SETD7: variants seen among roughly 807,000 people sequenced by gnomAD.
The protein encoded by SETD7 is SET domain containing 7, histone lysine methyltransferase, also known as histone-lysine N-methyltransferase SETD7.
SETD7 carries 16 observed loss-of-function variants against 41.8 expected under a neutral mutation model. The ratio of observed to expected loss-of-function variants is 0.38; its 90% CI spans 0.26 to 0.58. The LOEUF (loss-of-function observed/expected upper bound fraction) is 0.58, where lower values mean the gene tolerates loss of function less well. Among genes scored for constraint, SETD7 ranks in the 20% least tolerant of loss-of-function variants. The pLI, the probability that SETD7 is intolerant of heterozygous loss-of-function variation, is 0.64. For synonymous variants in SETD7, 163 were observed against 169.7 expected, an observed-to-expected ratio of 0.96 and a Z score of 0.31; for missense variants, 346 against 459.7, an observed-to-expected ratio of 0.75 and a Z score of 2.26.
chr4:139,530,441 C>T (rs904828211), intron 3 of SETD7, among the ~76,000 whole-genome samples: 5 of 143,222 alleles, frequency 3.5e-5, no homozygotes, highest in Non-Finnish European at 6.0e-5. Context: ...AAGAAAAATA[C>T]TTAGAAGCAT....
At chr4:139,522,917 C>T (rs372166223) in intron 5 of SETD7, among the ~76,000 whole-genome samples, 3 of 152,052 alleles carry the variant, frequency 2.0e-5, no homozygotes, top group African/African-American at 7.2e-5. Context: ...TGACACCCAG[C>T]TAATTTTTGT....
exon 8 of SETD7, chr4:139,496,300 G>T: frequency 1.5e-6 from 1 of 680,728 alleles, no homozygotes; most frequent in South Asian, 1.6e-5. Flanking sequence ...CCTATGTTCT[G>T]ACAATTGCCA....
At chr4:139,526,896 G>A (rs1462125624) in intron 4 of SETD7, among the ~76,000 whole-genome samples, 1 of 152,178 alleles carries the variant, frequency 6.6e-6, no homozygotes, top group African/African-American at 2.4e-5. Context: ...CATAGATCAA[G>A]GGCATAGATA....
chr4:139,551,583 T>G (rs1728112118), intron 1 of SETD7, among the ~76,000 whole-genome samples: 1 of 152,000 alleles, frequency 6.6e-6, no homozygotes, highest in Non-Finnish European at 1.5e-5. Flanking sequence ...CAAAGTAAAT[T>G]CCCTCTGGAT....
chr4:139,544,106 T>C (rs1240033839), intron 2 of SETD7, among the ~76,000 whole-genome samples: 1 of 151,708 alleles, frequency 6.6e-6, no homozygotes, highest in East Asian at 1.9e-4. Context: ...CTGGGCAACA[T>C]GGCAAAACTC....
In SETD7 at chr4:139,511,544, C is replaced by T; in HGVS notation, c.*119G>A. On this transcript the variant is annotated 3_prime_UTR_variant, in exon 8 of 8. Transcript: ENST00000274031. Reference sequence around the variant, plus strand: ...GTATGCGAGAAAGTCGTTGCTAACGCATGGTGAGAGGATGTGACGTCACAG... The same window carrying T: ...GTATGCGAGAAAGTCGTTGCTAACGTATGGTGAGAGGATGTGACGTCACAG... The T allele has an allele frequency of 1.3e-6, 2 of 1,562,736 alleles. No individual in the cohort carries two copies. The highest frequency in any genetic ancestry group is 1.4e-5 in the African/African-American group (1 of 72,354).
Position 139,529,182 on chromosome 4 carries a change from C to G in SETD7, c.411G>C (p.Gly137=). The change falls in exon 4 of 8, where the codon GGG becomes GGC. Residue 137 remains glycine (G), a synonymous_variant. Coordinates refer to ENST00000274031, the MANE Select transcript of SETD7 (RefSeq NM_030648.4). ...AGGCTATCTTCTCTCCAGTCATCTC[C>G]CCATCTTCATTTACTTCTCCTACAA... The part of the protein sequence containing the change: ...GSLVGEVNED[G]EMTGEKIAYV... The G allele has an allele frequency of 6.2e-7, 1 of 1,613,486 alleles. No homozygotes were observed. Among genetic ancestry groups the G allele is most frequent in the Non-Finnish European group, 8.5e-7 (1 of 1,179,862 alleles).
downstream of SETD7, among the ~76,000 whole-genome samples, chr4:139,503,555 A>T (rs1726629465): frequency 6.6e-6 from 1 of 152,216 alleles, no homozygotes; most frequent in Non-Finnish European, 1.5e-5. Context: ...GAATAATCTA[A>T]AACACTTAAA....
downstream of SETD7, among the ~76,000 whole-genome samples, chr4:139,504,054 G>A (rs1056273016): frequency 4.6e-5 from 7 of 152,196 alleles, no homozygotes; most frequent in African/African-American, 9.7e-5. Context: ...GGAAAGATGG[G>A]AAGAACTTGG....
chr4:139,494,391 T>A (rs1726416629), downstream of SETD7, among the ~76,000 whole-genome samples: 1 of 152,204 alleles, frequency 6.6e-6, no homozygotes, highest in East Asian at 1.9e-4. Flanking sequence ...GTCTTCAATA[T>A]CCAGCATACC....
chr4:139,526,947 A>T (rs957854117), intron 4 of SETD7, among the ~76,000 whole-genome samples: 9 of 152,026 alleles, frequency 5.9e-5, no homozygotes, highest in Admixed American at 3.3e-4. Context: ...CCTTTTTTTA[A>T]AAAAATAAAC....
At chr4:139,516,716 T>A (rs1253737772) in intron 7 of SETD7, among the ~76,000 whole-genome samples, 1 of 152,198 alleles carries the variant, frequency 6.6e-6, no homozygotes, top group Non-Finnish European at 1.5e-5. Flanking sequence ...ATACAGAGTA[T>A]AAATATATGT....
downstream of SETD7, among the ~76,000 whole-genome samples, chr4:139,504,142 C>A (rs1187283715): frequency 1.3e-5 from 2 of 152,144 alleles, no homozygotes; most frequent in African/African-American, 2.4e-5. Context: ...ATTACTTAGG[C>A]CATATTGAGT....
chr4:139,497,658 C>T (rs966104085), intron 7 of SETD7, among the ~76,000 whole-genome samples: 1 of 150,878 alleles, frequency 6.6e-6, no homozygotes, highest in Non-Finnish European at 1.5e-5. Flanking sequence ...TGCGCAATCT[C>T]GGCTCACTGC....
intron 4 of SETD7, among the ~76,000 whole-genome samples, chr4:139,525,407 C>T (rs1384672467): frequency 2.0e-5 from 3 of 152,212 alleles, no homozygotes; most frequent in Admixed American, 6.5e-5. Context: ...TTTACACATC[C>T]TTTACTTTCC....
chr4:139,502,836 G>GAGGAGGTGGAAGTTCGGGATCAGGAT (rs1726611541), downstream of SETD7, among the ~76,000 whole-genome samples: 5 of 152,278 alleles, frequency 3.3e-5, no homozygotes, highest in South Asian at 8.3e-4. Context: ...AATCCAGGCA[G>GAGGAGGTGGAAGTTCGGGATCAGGAT]AGGAGGTGGA....
At chr4:139,528,615 G>A (rs912531921) in intron 4 of SETD7, among the ~76,000 whole-genome samples, 18 of 152,210 alleles carry the variant, frequency 1.2e-4, no homozygotes, top group African/African-American at 3.6e-4. Context: ...AGTGAGTAAA[G>A]TGCCACCATG....
At chr4:139,500,820 C>A (rs905665160) in intron 7 of SETD7, among the ~76,000 whole-genome samples, 4 of 152,142 alleles carry the variant, frequency 2.6e-5, no homozygotes, top group Non-Finnish European at 5.9e-5. Flanking sequence ...CACCACTGCA[C>A]CTCGCACTCT....
At chr4:139,553,865 G>A (rs1327884801) in intron 1 of SETD7, among the ~76,000 whole-genome samples, 1 of 152,208 alleles carries the variant, frequency 6.6e-6, no homozygotes, top group Non-Finnish European at 1.5e-5. Context: ...AACAGAAGCA[G>A]TTTATACCAG....
Sources: allele counts gnomAD v4.1 joint callset (sites outside exome capture counted in the v4.1 genomes callset), GRCh38; gene constraint gnomAD v4.1.1; transcripts MANE v1.5; gene names NCBI Gene and HGNC (gene_info 2026-07-23, HGNC 2026-07-21).